SORBS2: variants seen among roughly 807,000 people sequenced by gnomAD.
SORBS2 encodes sorbin and SH3 domain-containing protein 2.
A neutral mutation model predicts 97.7 loss-of-function variants in SORBS2; 46 were observed. That is an observed-to-expected ratio of 0.47 (90% CI 0.37 to 0.60). The LOEUF is 0.60. Ranked by LOEUF, SORBS2 falls within the 20% of genes least tolerant of loss-of-function variation. SORBS2 has a pLI of 0.00. For synonymous variants in SORBS2, 476 were observed against 473.4 expected (o/e 1.01, Z -0.07); for missense variants, 1,316 against 1,282.3 (o/e 1.03, Z -0.40).
In SORBS2 at chr4:185,765,518, A is replaced by C. The variant is rs930481840; in HGVS notation, c.-198+9709T>G. On this transcript the variant is annotated intron_variant, in intron 2 of 20. Coordinates refer to the SORBS2 transcript ENST00000284776. ...ATACATAAAAAATTGTAAGGGGATA[A>C]AAATCTCACTGCAATCAAGCTTTCT... 2.0e-5 allele frequency among the ~76,000 whole-genome samples: 3 copies of C among 152,192 alleles called. No individual in the cohort carries two copies. The East Asian group carries it at 5.8e-4, about 29-fold the overall frequency.
intron 2 of SORBS2, among the ~76,000 whole-genome samples, chr4:185,764,512 A>C (rs1177316626): frequency 6.6e-6 from 1 of 152,166 alleles, no homozygotes; most frequent in African/African-American, 2.4e-5. Context: ...TGAATTCACC[A>C]TTTATAGAAG....
chr4:185,712,488 T>G (rs1292611211), intron 2 of SORBS2, among the ~76,000 whole-genome samples: 1 of 152,246 alleles, frequency 6.6e-6, no homozygotes, highest in Non-Finnish European at 1.5e-5. Context: ...AAGCCACCAG[T>G]GCAAATATAA....
intron 14 of SORBS2, chr4:185,589,275 G>GGA (rs1475717187): frequency 6.1e-6 from 1 of 164,048 alleles, no homozygotes; most frequent in African/African-American, 2.4e-5. Context: ...CTAGGAAACG[G>GGA]GAGAGCTGTT....
chr4:185,699,834 A>G (rs1373838583), intron 2 of SORBS2, among the ~76,000 whole-genome samples: 2 of 152,220 alleles, frequency 1.3e-5, no homozygotes, highest in Non-Finnish European at 2.9e-5. Context: ...TCAGAAATGT[A>G]TTATTAATAT....
chr4:185,654,845 T>G (rs532699775), intron 1 of SORBS2, among the ~76,000 whole-genome samples: 2 of 152,306 alleles, frequency 1.3e-5, no homozygotes, highest in Admixed American at 6.5e-5. Context: ...ACCTGAATTT[T>G]TACATTCCTA....
intron 1 of SORBS2, chr4:185,956,167 A>G (rs929503828): frequency 6.6e-6 from 1 of 152,216 alleles, no homozygotes; most frequent in African/African-American, 2.4e-5. Flanking sequence ...CTTAAGAAAT[A>G]TAGAAACTCA....
intron 2 of SORBS2, among the ~76,000 whole-genome samples, chr4:185,681,908 T>C (rs1040653433): frequency 3.3e-5 from 5 of 152,234 alleles, no homozygotes; most frequent in African/African-American, 1.2e-4. Flanking sequence ...TTTTAACTGA[T>C]ATGCTCTATT....
intron 1 of SORBS2, among the ~76,000 whole-genome samples, chr4:185,897,396 A>G (rs1486761688): frequency 2.0e-5 from 3 of 152,212 alleles, no homozygotes; most frequent in Non-Finnish European, 4.4e-5. Flanking sequence ...GTCTATTCGC[A>G]TTAGACCACA....
chr4:185,879,432 G>A (rs566218337), intron 1 of SORBS2, among the ~76,000 whole-genome samples: 8 of 152,090 alleles, frequency 5.3e-5, no homozygotes, highest in Admixed American at 3.9e-4. Flanking sequence ...ATGGACATTC[G>A]GGTTGGTTCC....
At chr4:185,590,169 G>A (rs1372118652) in intron 13 of SORBS2, among the ~76,000 whole-genome samples, 1 of 152,116 alleles carries the variant, frequency 6.6e-6, no homozygotes, top group Non-Finnish European at 1.5e-5. Flanking sequence ...TATAAAATAA[G>A]TGATATTTGT....
intron 2 of SORBS2, among the ~76,000 whole-genome samples, chr4:185,732,789 A>C (rs1188785860): frequency 1.3e-5 from 2 of 152,360 alleles, no homozygotes; most frequent in South Asian, 2.1e-4. Flanking sequence ...GAGCGATCTT[A>C]TTTGGAAACA....
chr4:185,615,528 G>C (rs1011189280), intron 9 of SORBS2, among the ~76,000 whole-genome samples: 1 of 132,934 alleles, frequency 7.5e-6, no homozygotes, highest in East Asian at 2.2e-4. Context: ...TTTTTTTTTT[G>C]TCCTGAAGCT....
chr4:185,767,127 G>A (rs1323605490), intron 2 of SORBS2, among the ~76,000 whole-genome samples: 1 of 152,088 alleles, frequency 6.6e-6, no homozygotes, highest in Non-Finnish European at 1.5e-5. Context: ...TTCTCTCAGT[G>A]AAGTACAGAA....
chr4:185,925,213 T>C (rs2099263033), intron 1 of SORBS2, among the ~76,000 whole-genome samples: 1 of 152,232 alleles, frequency 6.6e-6, no homozygotes, highest in Admixed American at 6.5e-5. Flanking sequence ...TTGGACTTTT[T>C]CCCTAAAACA....
intron 1 of SORBS2, chr4:185,894,444 C>T (rs1034227983): frequency 4.6e-5 from 7 of 151,980 alleles, no homozygotes; most frequent in Non-Finnish European, 1.0e-4. Flanking sequence ...AAATAAAAAT[C>T]GATTTGAAAA....
At chr4:185,677,695 G>A (rs1283819091) in intron 4 of SORBS2, 2 of 1,366,330 alleles carry the variant, frequency 1.5e-6, no homozygotes, top group African/African-American at 2.9e-5. Flanking sequence ...AACAGAGAAA[G>A]TCCAAGTTAG....
intron 2 of SORBS2, among the ~76,000 whole-genome samples, chr4:185,733,790 G>A (rs565127362): frequency 2.6e-5 from 4 of 152,166 alleles, no homozygotes; most frequent in South Asian, 2.1e-4. Flanking sequence ...AGAAAAAAGC[G>A]AGTTCTCTTG....
At chr4:185,617,666 C>T (rs1273631896) in intron 9 of SORBS2, among the ~76,000 whole-genome samples, 11 of 152,184 alleles carry the variant, frequency 7.2e-5, no homozygotes, top group African/African-American at 2.7e-4. Context: ...ATCTGGGCAA[C>T]ACCCTCTTAT....
intron 1 of SORBS2, among the ~76,000 whole-genome samples, chr4:185,896,643 C>A (rs900054648): frequency 1.3e-5 from 2 of 152,106 alleles, no homozygotes; most frequent in Non-Finnish European, 2.9e-5. Context: ...AAATTCCTTA[C>A]TTCTTATTTC....
Sources: gnomAD v4.1 joint callset for allele counts (sites outside exome capture counted in the v4.1 genomes callset) on GRCh38, gnomAD v4.1.1 for gene constraint, MANE v1.5 for transcripts, NCBI Gene and HGNC (gene_info 2026-07-23, HGNC 2026-07-21) for gene names.